Variants in BLTP1 observed in about 807,000 individuals in gnomAD.
BLTP1 encodes the protein bridge-like lipid transfer protein family member 1.
chr4:122,297,474 A>G, the BLTP1 span, among the ~76,000 whole-genome samples: 7 of 152,344 alleles, frequency 4.6e-5, no homozygotes, highest in South Asian at 1.2e-3. Context: ...AATTAGTTCA[A>G]CCATTGTAGA....
chr4:122,275,483 C>G, the BLTP1 span, among the ~76,000 whole-genome samples: 2 of 152,048 alleles, frequency 1.3e-5, no homozygotes, highest in African/African-American at 4.8e-5. Context: ...TTTGAAGTAC[C>G]ATGGGTACGT....
the BLTP1 span, among the ~76,000 whole-genome samples, chr4:122,193,345 G>A: frequency 1.3e-5 from 2 of 152,024 alleles, no homozygotes; most frequent in African/African-American, 2.4e-5. Context: ...TTGAGGTAAC[G>A]TGTAAATTAA....
At chr4:122,344,350 G>A in the BLTP1 span, 54 of 1,608,290 alleles carry the variant, frequency 3.4e-5, no homozygotes, top group Non-Finnish European at 4.5e-5. Context: ...ATATATAGAT[G>A]TGGGGGTTGT....
the BLTP1 span, chr4:122,170,805 A>C: frequency 8.6e-7 from 1 of 1,158,774 alleles, no homozygotes; most frequent in South Asian, 1.5e-5. Flanking sequence ...CAGCTGCCAG[A>C]TTTTAAACAG....
the BLTP1 span, chr4:122,350,292 A>G: frequency 9.1e-6 from 9 of 985,414 alleles, no homozygotes; most frequent in Non-Finnish European, 1.1e-5. Flanking sequence ...CCCCTGCTGC[A>G]GTGCATCTGC....
At chr4:122,277,686 T>C in the BLTP1 span, 1 of 981,132 alleles carries the variant, frequency 1.0e-6, no homozygotes, top group Non-Finnish European at 1.2e-6. Context: ...TACCACTCAC[T>C]GAAAATGAAA....
the BLTP1 span, among the ~76,000 whole-genome samples, chr4:122,269,221 GTTATATATAATTCAA>G: frequency 6.6e-6 from 1 of 150,832 alleles, no homozygotes; most frequent in Non-Finnish European, 1.5e-5. Context: ...ATATAACTAG[GTTATATATAATTCAA>G]TTATATATAA....
the BLTP1 span, among the ~76,000 whole-genome samples, chr4:122,176,708 T>C: frequency 6.6e-6 from 1 of 151,280 alleles, no homozygotes; most frequent in South Asian, 2.1e-4. Context: ...GGATAATTGA[T>C]AAAAAAAAAT....
chr4:122,252,094 A>G, the BLTP1 span, among the ~76,000 whole-genome samples: 1 of 152,214 alleles, frequency 6.6e-6, no homozygotes, highest in Non-Finnish European at 1.5e-5. Flanking sequence ...CAGTCCTGGC[A>G]GGATCAATCA....
At chr4:122,256,216 C>T in the BLTP1 span, 3 of 968,548 alleles carry the variant, frequency 3.1e-6, no homozygotes, top group South Asian at 9.5e-5. Context: ...TCAGGCAAGT[C>T]AAGAATCTCT....
At chr4:122,224,050 A>G in the BLTP1 span, 2 of 980,170 alleles carry the variant, frequency 2.0e-6, no homozygotes, top group Non-Finnish European at 2.4e-6. Context: ...CTCAGAATCT[A>G]TATGGAAGTT....
chr4:122,269,493 C>T, the BLTP1 span: 2 of 985,182 alleles, frequency 2.0e-6, no homozygotes, highest in Non-Finnish European at 2.4e-6. Context: ...CGATGCTCCA[C>T]ATTCTTACAA....
the BLTP1 span, among the ~76,000 whole-genome samples, chr4:122,162,033 G>A: frequency 6.6e-6 from 1 of 152,128 alleles, no homozygotes; most frequent in Non-Finnish European, 1.5e-5. Flanking sequence ...GAGACAGGTT[G>A]TCATTCAAGC....
the BLTP1 span, chr4:122,246,082 G>C: frequency 6.9e-7 from 1 of 1,448,980 alleles, no homozygotes; most frequent in Non-Finnish European, 9.1e-7. Flanking sequence ...GTGAATAAGT[G>C]AGTTGCTGTT....
the BLTP1 span, chr4:122,257,384 A>G: frequency 1.9e-6 from 3 of 1,614,112 alleles, no homozygotes; most frequent in Non-Finnish European, 1.7e-6. Context: ...TCAGCCTCTG[A>G]AACCTCAAAT....
the BLTP1 span, chr4:122,237,311 A>T: frequency 4.1e-6 from 4 of 985,350 alleles, no homozygotes; most frequent in Non-Finnish European, 4.8e-6. Context: ...AGTTTATATA[A>T]CACATCACAG....
the BLTP1 span, among the ~76,000 whole-genome samples, chr4:122,296,774 C>T: frequency 6.6e-6 from 1 of 152,142 alleles, no homozygotes; most frequent in South Asian, 2.1e-4. Context: ...ACACCTACAA[C>T]CATCTGATCT....
chr4:122,325,328 A>T, the BLTP1 span: 2 of 1,598,176 alleles, frequency 1.3e-6, no homozygotes, highest in Non-Finnish European at 1.7e-6. Context: ...ACAGTAAGAG[A>T]TATATAATTT....
the BLTP1 span, chr4:122,276,199 G>C: frequency 1.9e-6 from 1 of 526,856 alleles, no homozygotes; most frequent in Non-Finnish European, 2.8e-6. Flanking sequence ...ACACAGGTAA[G>C]GGCTGCTTTT....
Sources: gnomAD v4.1 joint callset for allele counts (sites outside exome capture counted in the v4.1 genomes callset) on GRCh38, gnomAD v4.1.1 for gene constraint, MANE v1.5 for transcripts, NCBI Gene and HGNC (gene_info 2026-07-23, HGNC 2026-07-21) for gene names.